FOXO1: variants seen among roughly 807,000 people sequenced by gnomAD.
FOXO1 encodes the protein forkhead box protein O1.
Under a neutral mutation model 44.1 loss-of-function variants are expected in FOXO1, and 6 were observed. That is an observed-to-expected ratio of 0.14 (90% confidence interval 0.07 to 0.27). The LOEUF is 0.27. FOXO1 is among the 10% of genes least tolerant of loss of function. The pLI, the probability that FOXO1 is intolerant of heterozygous loss-of-function variation, is 1.00. For synonymous variants in FOXO1, 380 were observed against 362.7 expected, an observed-to-expected ratio of 1.05 and a Z score of -0.54; for missense variants, 737 against 888.8, an observed-to-expected ratio of 0.83 and a Z score of 2.17.
chr13:40,601,078 GC>G (rs888015389), intron 1 of FOXO1, among the ~76,000 whole-genome samples: 1 of 152,032 alleles, frequency 6.6e-6, no homozygotes, highest in Admixed American at 6.6e-5. Context: ...ATACCTCAAT[GC>G]CCCCCACCAC....
intron 1 of FOXO1, among the ~76,000 whole-genome samples, chr13:40,587,685 T>C (rs1875221396): frequency 6.6e-6 from 1 of 152,228 alleles, no homozygotes. Context: ...CTGCTCTTCC[T>C]GCCTGCCAAC....
In FOXO1 at chr13:40,640,154, G is replaced by C. The variant is rs1877299839; in HGVS notation, c.630+25429C>G. Among the ~76,000 whole-genome samples the C allele has an allele frequency of 2.6e-5, 4 of 152,188 alleles. No homozygotes were observed. In the South Asian group the frequency reaches 8.3e-4, roughly 32 times the overall value. On this transcript the variant is annotated intron_variant, in intron 1 of 2. Coordinates refer to ENST00000379561, the MANE Select transcript of FOXO1 (RefSeq NM_002015.4). ...CCTACACTAAAATAGCACAAATCCT[G>C]TCCATCTATTAGGAACCAATTACTC...
intron 1 of FOXO1, chr13:40,611,089 G>A (rs762417717): frequency 2.2e-6 from 1 of 456,016 alleles, no homozygotes; most frequent in Non-Finnish European, 4.4e-6. Context: ...TGCTTATTCA[G>A]TGGCATCAAT....
intron 1 of FOXO1, among the ~76,000 whole-genome samples, chr13:40,622,433 A>G (rs1254034502): frequency 6.6e-6 from 1 of 152,254 alleles, no homozygotes; most frequent in African/African-American, 2.4e-5. Context: ...AGGAAGAGCT[A>G]GACTTACAGA....
chr13:40,655,973 T>G (rs775164423), intron 1 of FOXO1, among the ~76,000 whole-genome samples: 4 of 152,192 alleles, frequency 2.6e-5, no homozygotes, highest in Admixed American at 1.3e-4. Context: ...AAATGGCTGA[T>G]GAGTGTTATT....
chr13:40,615,556 CAT>C (rs1213151400), intron 1 of FOXO1, among the ~76,000 whole-genome samples: 156 of 151,842 alleles, frequency 1.0e-3, no homozygotes, highest in Non-Finnish European at 1.9e-3. Flanking sequence ...TACATACATA[CAT>C]ACATACATAC....
intron 1 of FOXO1, among the ~76,000 whole-genome samples, chr13:40,633,626 G>A (rs996465204): frequency 2.0e-5 from 3 of 152,184 alleles, no homozygotes; most frequent in Non-Finnish European, 4.4e-5. Flanking sequence ...GAAGAATGGG[G>A]AGTGACTGGT....
chr13:40,628,733 G>C (rs1876868738), intron 1 of FOXO1, among the ~76,000 whole-genome samples: 1 of 152,104 alleles, frequency 6.6e-6, no homozygotes. Context: ...TGGTATAGAA[G>C]TACTTTGAAA....
At chr13:40,620,650 G>A in intron 1 of FOXO1, 1 of 423,916 alleles carries the variant, frequency 2.4e-6, no homozygotes. Flanking sequence ...CAGGGAACGG[G>A]ACAGGCAGGC....
At chr13:40,575,822 A>G (rs1358135586) in intron 1 of FOXO1, among the ~76,000 whole-genome samples, 1 of 152,234 alleles carries the variant, frequency 6.6e-6, no homozygotes, top group East Asian at 1.9e-4. Flanking sequence ...CAGCACACGC[A>G]AAACAAGAAA....
At position 40,666,580 on chromosome 13, in the gene FOXO1, G is replaced by C; in HGVS notation, c.-368C>G. 1 of 218,242 alleles carries C rather than the reference G, an allele frequency of 4.6e-6. No individual in the cohort carries two copies. The highest frequency in any genetic ancestry group is 7.0e-5 in the East Asian group (1 of 14,370). 13.5% of individuals were successfully genotyped at this position (218,242 alleles called of 1,614,324 possible). ...CGGCGCGCCCGCTGCGCTGCTGCCT[G>C]TTGAATGTGGCGGCTGCGGCAGCGG... is the stretch of plus-strand genomic sequence containing the variant. On this transcript the variant is annotated 5_prime_UTR_variant, in exon 1 of 3. Transcript: ENST00000379561.
At chr13:40,588,831 G>A (rs936719425) in intron 1 of FOXO1, among the ~76,000 whole-genome samples, 3 of 152,188 alleles carry the variant, frequency 2.0e-5, no homozygotes, top group African/African-American at 7.2e-5. Flanking sequence ...TTGACCAGGA[G>A]TGATGACTCA....
intron 1 of FOXO1, among the ~76,000 whole-genome samples, chr13:40,651,065 G>A (rs563969884): frequency 3.3e-5 from 5 of 151,582 alleles, no homozygotes; most frequent in African/African-American, 7.3e-5. Context: ...GAGCCACCAC[G>A]CACTGCCTAG....
chr13:40,634,683 CTT>C (rs762426679), intron 1 of FOXO1, among the ~76,000 whole-genome samples: 31 of 142,776 alleles, frequency 2.2e-4, no homozygotes, highest in Middle Eastern at 3.3e-3. Flanking sequence ...GGCTTTAGTA[CTT>C]TTTTTTTTTT....
intron 1 of FOXO1, among the ~76,000 whole-genome samples, chr13:40,586,154 T>C (rs966238682): frequency 3.2e-4 from 49 of 152,260 alleles, no homozygotes; most frequent in Admixed American, 3.9e-4. Context: ...ATTGAGAGGA[T>C]TGTGGCTAGC....
rs1211317201 is a variant in FOXO1, at chr13:40,558,564, G to C, written c.*485C>G. 1 of 290,832 alleles carries C rather than the reference G, an allele frequency of 3.4e-6. No individual in the cohort carries two copies. The highest frequency in any genetic ancestry group is 6.3e-6 in the Non-Finnish European group (1 of 158,528). 18.0% of individuals were successfully genotyped at this position (290,832 alleles called of 1,614,324 possible). A position where few individuals can be genotyped will look rare whatever the true frequency, so the allele number is the denominator to read the frequency against. On this transcript the variant is annotated 3_prime_UTR_variant, in exon 3 of 3. Coordinates refer to ENST00000379561, the MANE Select transcript of FOXO1 (RefSeq NM_002015.4). ...CAGTTCTTTGTGATCCGTCAGTTCC[G>C]CAGAAAACAGGTAGTACAAACAAAA...
At chr13:40,629,828 T>A in intron 1 of FOXO1, among the ~76,000 whole-genome samples, 1 of 152,118 alleles carries the variant, frequency 6.6e-6, no homozygotes, top group East Asian at 1.9e-4. Context: ...AGATTCAAAG[T>A]CTCCTTGTGG....
chr13:40,626,302 C>T (rs1876784104), intron 1 of FOXO1, among the ~76,000 whole-genome samples: 1 of 152,226 alleles, frequency 6.6e-6, no homozygotes, highest in Non-Finnish European at 1.5e-5. Context: ...TCACAAGTCT[C>T]CTGACAAAGC....
At chr13:40,655,611 T>C (rs1313123479) in intron 1 of FOXO1, among the ~76,000 whole-genome samples, 1 of 151,280 alleles carries the variant, frequency 6.6e-6, no homozygotes, top group Non-Finnish European at 1.5e-5. Context: ...GGGATAAATA[T>C]ATTAGTAAAA....
Sources: allele counts gnomAD v4.1 joint callset (sites outside exome capture counted in the v4.1 genomes callset), GRCh38; gene constraint gnomAD v4.1.1; transcripts MANE v1.5; gene names NCBI Gene and HGNC (gene_info 2026-07-23, HGNC 2026-07-21).